The following PICK1 variants were observed in gnomAD, a reference collection of about 807,000 sequenced individuals.
PICK1 encodes protein interacting with PRKCA 1.
Under a neutral mutation model 48.9 loss-of-function variants are expected in PICK1, and 23 were observed. That is an observed-to-expected ratio of 0.47 (90% CI 0.34 to 0.67). PICK1 has a LOEUF of 0.67. PICK1 is among the 30% of genes least tolerant of loss of function. PICK1 has a pLI of 0.01. For synonymous variants in PICK1, 217 were observed against 228.2 expected (o/e 0.95, Z 0.44); for missense variants, 423 against 557.1 (o/e 0.76, Z 2.42).
In PICK1 at chr22:38,070,298, G is replaced by A. The variant is rs531598954; in HGVS notation, c.440-540G>A. Among the ~76,000 whole-genome samples the A allele has an allele frequency of 2.7e-3, 404 of 152,368 alleles. 1 individual carries two copies. The highest frequency in any genetic ancestry group is 0.017 in the Middle Eastern group (5 of 294). On this transcript the variant is annotated intron_variant, in intron 6 of 12. Transcript: ENST00000356976. ...GCCACTGGGCTGGCTTCTCTGCTGGGCTTTCAGCCTTGAGAGCAAGACTTG... is the reference window on the plus strand; with the variant it reads ...GCCACTGGGCTGGCTTCTCTGCTGGACTTTCAGCCTTGAGAGCAAGACTTG...
rs191263888 is a variant in PICK1, at chr22:38,060,022, G to A, written c.153+677G>A. 4.0e-3 allele frequency among the ~76,000 whole-genome samples: 610 copies of A among 152,290 alleles called. 2 individuals are homozygous for A. Among genetic ancestry groups the A allele is most frequent in the Non-Finnish European group, 7.5e-3 (513 of 68,018 alleles). On this transcript the variant is annotated intron_variant, in intron 3 of 12. Transcript: ENST00000356976. ...AGGTCAGGAGTTCGAGACCAGCCTG[G>A]CCAACATGGTGAAACCCCGTCTCTA...
chr22:38,067,205 G>A (rs1469218507), intron 4 of PICK1, among the ~76,000 whole-genome samples: 1 of 152,082 alleles, frequency 6.6e-6, no homozygotes, highest in Non-Finnish European at 1.5e-5. Flanking sequence ...ATTCCCCAGG[G>A]CTTGGATGTA....
chr22:38,060,751 A>AT (rs10639701), intron 3 of PICK1, among the ~76,000 whole-genome samples: 63,072 of 142,058 alleles, frequency 0.44, 15,785 homozygotes, highest in African/African-American at 0.69. Flanking sequence ...AGTATAATTG[A>AT]TTTTTTTTTT....
intron 6 of PICK1, 22 bp from the exon 7 acceptor site, chr22:38,070,816 C>T (rs1384553755): frequency 6.2e-7 from 1 of 1,612,912 alleles, no homozygotes; most frequent in Non-Finnish European, 8.5e-7. Context: ...ACTGACCTCC[C>T]CTCTTCTTTG....
In PICK1 at chr22:38,064,982, C is replaced by G. The variant is rs1183349095; in HGVS notation, c.154-20C>G. ...TAGCCCTCCCTTTCTTCCCCCACCA[C>G]TCTCCTTATGCACCCACAGGTATTT... On this transcript the variant is annotated intron_variant, in intron 3 of 12. Coordinates refer to ENST00000356976, the MANE Select transcript of PICK1 (RefSeq NM_012407.4). 1.2e-6 allele frequency: 2 copies of G among 1,613,650 alleles called. No homozygotes were observed. Among genetic ancestry groups the G allele is most frequent in the African/African-American group, 2.7e-5 (2 of 74,884 alleles).
At chr22:38,072,124 A>C in intron 8 of PICK1, 1 of 491,852 alleles carries the variant, frequency 2.0e-6, no homozygotes, top group East Asian at 3.9e-5. Context: ...TGTTGTTCCA[A>C]TCCAGGTGTC....
intron 3 of PICK1, among the ~76,000 whole-genome samples, chr22:38,063,030 A>C (rs958228675): frequency 3.9e-5 from 6 of 152,196 alleles, no homozygotes; most frequent in African/African-American, 1.4e-4. Context: ...TTATTGTGCC[A>C]GATCCTCAGA....
At chr22:38,067,862 C>T (rs2085569818) in intron 5 of PICK1, 92 bp downstream of exon 5, 3 of 1,015,094 alleles carry the variant, frequency 3.0e-6, no homozygotes, top group Non-Finnish European at 3.1e-6. Flanking sequence ...CCTGCCCTCC[C>T]CTTTATGACA....
chr22:38,070,619 C>T (rs539947083), intron 6 of PICK1, among the ~76,000 whole-genome samples: 1 of 152,286 alleles, frequency 6.6e-6, no homozygotes, highest in African/African-American at 2.4e-5. Context: ...GCTTTGCCTG[C>T]TAGGCACGGA....
chr22:38,074,852 C>A lies in PICK1; in HGVS notation c.980-12C>A. 1.2e-6 allele frequency: 2 copies of A among 1,610,064 alleles called. No homozygotes were observed. The highest frequency in any genetic ancestry group is 1.7e-6 in the Non-Finnish European group (2 of 1,179,912). ...AGCCCACTGCAGCCTGTCCCCCGAC[C>A]TCCCACCCCAGTCCAGGACATCGTG... On this transcript the variant is annotated splice_polypyrimidine_tract_variant and intron_variant, in intron 12 of 12. Transcript: ENST00000356976. This position sits in a 1 kb window ranked among gnomAD's most constrained non-coding sequence, Gnocchi z 4.5.
rs1266975701 is a variant in PICK1 at position 38,074,150 on chromosome 22, G to T, written c.835-157G>T. On this transcript the variant is annotated intron_variant, in intron 11 of 12. Coordinates refer to ENST00000356976, the MANE Select transcript of PICK1 (RefSeq NM_012407.4). This position sits in a 1 kb window ranked among gnomAD's most constrained non-coding sequence, Gnocchi z 4.5. The stretch of plus-strand genomic sequence containing the variant: ...TGAATGTGGCAGAGGTTTGGGTTTG[G>T]TTTTTTCCTCTCTTCAAAGCTATCA... 20 of 894,848 alleles carry T rather than the reference G, an allele frequency of 2.2e-5. No individual in the cohort carries two copies. Among genetic ancestry groups the T allele is most frequent in the Non-Finnish European group, 3.2e-5 (19 of 589,506 alleles). 55.4% of individuals were successfully genotyped at this position (894,848 alleles called of 1,614,324 possible).
rs1039231063 is a variant in PICK1 at position 38,066,379 on chromosome 22, T to G, written c.282+1249T>G. ...TCCCCATCTCCACTCGCCAGGTCCCTCCCTGTCCTCTCAGGCTTGGTCATA... is the reference window on the plus strand; with the variant it reads ...TCCCCATCTCCACTCGCCAGGTCCCGCCCTGTCCTCTCAGGCTTGGTCATA... On this transcript the variant is annotated intron_variant, in intron 4 of 12. Transcript: ENST00000356976. This position sits in a 1 kb window ranked among gnomAD's most constrained non-coding sequence, Gnocchi z 4.1. 1.1e-4 allele frequency among the ~76,000 whole-genome samples: 16 copies of G among 152,166 alleles called. No individual in the cohort carries two copies. Among genetic ancestry groups the G allele is most frequent in the African/African-American group, 3.9e-4 (16 of 41,442 alleles).
At chr22:38,069,153 G>A (rs370162829) in intron 6 of PICK1, 31 bp downstream of exon 6, 46 of 1,505,884 alleles carry the variant, frequency 3.1e-5, no homozygotes, top group Non-Finnish European at 3.8e-5. Flanking sequence ...CTGGGGCCCC[G>A]GGGACTCAAG....
rs112266907 is a variant in PICK1 at position 38,073,602 on chromosome 22, C to T, written c.784-171C>T. On this transcript the variant is annotated intron_variant, in intron 10 of 12. Transcript: ENST00000356976. The surrounding 1 kb of genome is among the most constrained non-coding windows in gnomAD (Gnocchi z 5.7). ...TCTTGGGCCTTGAGTTTGGTCAACTCGGCCGCCTAAGCCTCAGGCCCTGTC... is the reference window on the plus strand; with the variant it reads ...TCTTGGGCCTTGAGTTTGGTCAACTTGGCCGCCTAAGCCTCAGGCCCTGTC... 8.0e-4 allele frequency among the ~76,000 whole-genome samples: 122 copies of T among 152,298 alleles called. 1 individual carries two copies. Among genetic ancestry groups the T allele is most frequent in the African/African-American group, 2.8e-3 (115 of 41,568 alleles).
At position 38,073,710 on chromosome 22, in the gene PICK1, G is replaced by A. The variant is rs2085757536; in HGVS notation, c.784-63G>A. The stretch of plus-strand genomic sequence containing the variant: ...CTCCTGCTGCGTGTGGGTGATGGGG[G>A]TGGAGCTGGGGACCTGGGGTGGGGG... On this transcript the variant is annotated intron_variant, in intron 10 of 12. Transcript: ENST00000356976. The surrounding 1 kb of genome is among the most constrained non-coding windows in gnomAD (Gnocchi z 5.7). 4.2e-6 allele frequency: 6 copies of A among 1,431,194 alleles called. No individual in the cohort carries two copies. The highest frequency in any genetic ancestry group is 5.9e-6 in the Non-Finnish European group (6 of 1,014,664). The allele number at this position is 1,431,194 out of a possible 1,614,324, so 88.7% of individuals were successfully genotyped here. A position where few individuals can be genotyped will look rare whatever the true frequency, so the allele number is the denominator to read the frequency against.
intron 3 of PICK1, among the ~76,000 whole-genome samples, chr22:38,059,664 C>T (rs1043151102): frequency 1.1e-4 from 16 of 152,208 alleles, no homozygotes; most frequent in African/African-American, 3.9e-4. Flanking sequence ...ACATAGTGGA[C>T]ATGCAATAGA....
Position 38,065,113 on chromosome 22 carries a change from A to C in PICK1, c.265A>C (p.Met89Leu). The C allele has an allele frequency of 1.2e-6, 2 of 1,614,046 alleles. No individual in the cohort carries two copies. The highest frequency in any genetic ancestry group is 1.7e-6 in the Non-Finnish European group (2 of 1,179,972). The change falls in exon 4 of 13, where the codon ATG becomes CTG. Residue 89 changes from methionine (M) to leucine (L), a missense_variant. Transcript: ENST00000356976. ...GAAAACTAAGGTGGAGGTGGCGAAGATGATTCAGGAGGTGAAGGTAAGGGC... is the reference window on the plus strand; with the variant it reads ...GAAAACTAAGGTGGAGGTGGCGAAGCTGATTCAGGAGGTGAAGGTAAGGGC... ...KGKTKVEVAKMIQEVKGEVTI... is the reference protein window; with the variant it reads ...KGKTKVEVAKLIQEVKGEVTI...
intron 3 of PICK1, among the ~76,000 whole-genome samples, chr22:38,064,202 C>T (rs1042060553): frequency 3.3e-5 from 5 of 151,902 alleles, no homozygotes; most frequent in Admixed American, 6.6e-5. Context: ...GGACTGCAGG[C>T]GCCTGCCACC....
chr22:38,062,439 G>C (rs1324019669), intron 3 of PICK1, among the ~76,000 whole-genome samples: 1 of 151,872 alleles, frequency 6.6e-6, no homozygotes, highest in Non-Finnish European at 1.5e-5. Flanking sequence ...GTAGAGACGG[G>C]GTTTCACCAT....
Sources: allele counts gnomAD v4.1 joint callset (sites outside exome capture counted in the v4.1 genomes callset), GRCh38; gene constraint gnomAD v4.1.1; non-coding constraint Gnocchi (gnomAD v3.1); transcripts MANE v1.5; gene names NCBI Gene and HGNC (gene_info 2026-07-23, HGNC 2026-07-21).